The following SOX5 variants were observed in gnomAD, a reference collection of about 807,000 sequenced individuals.
SOX5 encodes the protein transcription factor SOX-5.
Under a neutral mutation model 92.0 loss-of-function variants are expected in SOX5, and 9 were observed. The observed-to-expected ratio is 0.10, with a 90% CI of 0.06 to 0.17. The LOEUF (loss-of-function observed/expected upper bound fraction) is 0.17. Among genes scored for constraint, SOX5 ranks in the 10% least tolerant of loss-of-function variants. SOX5 has a pLI of 1.00. For synonymous variants in SOX5, 344 were observed against 336.3 expected (o/e 1.02, Z -0.25); for missense variants, 642 against 944.5 (o/e 0.68, Z 4.20).
chr12:23,710,288 C>T (rs982325087), intron 6 of SOX5, among the ~76,000 whole-genome samples: 16 of 152,010 alleles, frequency 1.1e-4, no homozygotes, highest in Non-Finnish European at 2.1e-4. Context: ...ATGTGCACAA[C>T]GTGCAGGTTT....
chr12:24,096,945 C>A (rs893121307), intron 4 of SOX5, among the ~76,000 whole-genome samples: 9 of 152,144 alleles, frequency 5.9e-5, no homozygotes. Flanking sequence ...TTTTGAGGCA[C>A]TGCCAACCTG....
At chr12:24,488,897 G>T (rs1946781021) in intron 1 of SOX5, among the ~76,000 whole-genome samples, 1 of 152,140 alleles carries the variant, frequency 6.6e-6, no homozygotes, top group Non-Finnish European at 1.5e-5. Context: ...TAATACCTTA[G>T]AGATTTCAAG....
intron 1 of SOX5, among the ~76,000 whole-genome samples, chr12:24,520,699 G>T (rs988832111): frequency 6.6e-6 from 1 of 152,064 alleles, no homozygotes; most frequent in African/African-American, 2.4e-5. Flanking sequence ...GGCACAGAGT[G>T]TCTGAATCGA....
At chr12:23,675,754 T>C (rs2085566083) in intron 6 of SOX5, among the ~76,000 whole-genome samples, 2 of 152,058 alleles carry the variant, frequency 1.3e-5, no homozygotes, top group South Asian at 2.1e-4. Context: ...AATGAAAAGA[T>C]AGCCTATGTA....
chr12:23,558,721 G>C (rs1945673001), intron 11 of SOX5, among the ~76,000 whole-genome samples: 1 of 152,194 alleles, frequency 6.6e-6, no homozygotes, highest in Non-Finnish European at 1.5e-5. Context: ...TCCTGCCTCA[G>C]CCTCTTGAGT....
intron 1 of SOX5, among the ~76,000 whole-genome samples, chr12:24,460,247 C>T (rs528355303): frequency 1.0e-3 from 155 of 152,286 alleles, no homozygotes; most frequent in African/African-American, 3.5e-3. Flanking sequence ...TGAGGTCCAA[C>T]CTAAAGGCTG....
intron 1 of SOX5, among the ~76,000 whole-genome samples, chr12:24,466,694 C>T (rs529674604): frequency 6.6e-5 from 10 of 152,308 alleles, no homozygotes; most frequent in African/African-American, 1.7e-4. Flanking sequence ...TAATTCACCC[C>T]CAAGACAAGC....
intron 1 of SOX5, among the ~76,000 whole-genome samples, chr12:24,437,418 C>G (rs1490050268): frequency 6.6e-6 from 1 of 152,156 alleles, no homozygotes; most frequent in Non-Finnish European, 1.5e-5. Flanking sequence ...TGGACAAAGA[C>G]TTCATGACTA....
At chr12:24,502,315 G>T (rs1452601150) in intron 1 of SOX5, among the ~76,000 whole-genome samples, 3 of 151,934 alleles carry the variant, frequency 2.0e-5, no homozygotes, top group East Asian at 3.9e-4. Flanking sequence ...GAAAGTGAGA[G>T]AAAAAGGAAA....
intron 3 of SOX5, chr12:23,762,549 T>C: frequency 1.8e-6 from 1 of 544,780 alleles, no homozygotes; most frequent in South Asian, 2.7e-5. Context: ...ACTTTACGTT[T>C]AGTATTGCCA....
At chr12:24,093,337 C>T (rs996717645) in intron 4 of SOX5, among the ~76,000 whole-genome samples, 1 of 151,794 alleles carries the variant, frequency 6.6e-6, no homozygotes. Context: ...CTGGCTAACA[C>T]GGTGAAACCC....
At chr12:24,237,777 A>G (rs552665970) in intron 3 of SOX5, 34 of 152,340 alleles carry the variant, frequency 2.2e-4, no homozygotes, top group African/African-American at 7.2e-4. Context: ...TATGGAAGTA[A>G]TTATGGATTA....
chr12:23,533,480 C>A lies in SOX5; in HGVS notation c.*739G>T. On this transcript the variant is annotated 3_prime_UTR_variant, in exon 15 of 15. Coordinates refer to ENST00000451604, the MANE Select transcript of SOX5 (RefSeq NM_006940.6). ...AGTAAAGAGAAAAAATGAACTTGGT[C>A]AACACTTCAGTACAAATTTGGCACT... is the stretch of plus-strand genomic sequence containing the variant. 1 of 194,372 alleles carries A rather than the reference C, an allele frequency of 5.1e-6. No individual in the cohort carries two copies. The highest frequency in any genetic ancestry group is 1.1e-5 in the Non-Finnish European group (1 of 91,892). The allele number at this position is 194,372 out of a possible 1,614,324, so 12.0% of individuals were successfully genotyped here. A position where few individuals can be genotyped will look rare whatever the true frequency, so the allele number is the denominator to read the frequency against.
intron 3 of SOX5, among the ~76,000 whole-genome samples, chr12:23,787,509 G>T (rs749680250): frequency 4.4e-4 from 67 of 151,894 alleles, no homozygotes; most frequent in African/African-American, 1.4e-3. Flanking sequence ...CATTTTCTTC[G>T]ATCCAAAATT....
At chr12:23,835,044 T>C (rs1423582549) in intron 3 of SOX5, among the ~76,000 whole-genome samples, 1 of 151,868 alleles carries the variant, frequency 6.6e-6, no homozygotes, top group African/African-American at 2.4e-5. Flanking sequence ...TGAATGAAAA[T>C]CAAGTTTAAA....
chr12:24,256,282 A>G (rs1010187205), intron 3 of SOX5, among the ~76,000 whole-genome samples: 1 of 152,240 alleles, frequency 6.6e-6, no homozygotes, highest in Admixed American at 6.5e-5. Context: ...GAAGTGTTAG[A>G]CACCTTTTAG....
chr12:24,433,772 G>C (rs908815802), intron 1 of SOX5, among the ~76,000 whole-genome samples: 11 of 152,148 alleles, frequency 7.2e-5, no homozygotes, highest in Non-Finnish European at 1.5e-4. Flanking sequence ...ATGTTAATTT[G>C]TGATCTGTAT....
At chr12:23,891,317 C>A (rs1033432826) in intron 2 of SOX5, among the ~76,000 whole-genome samples, 2 of 152,202 alleles carry the variant, frequency 1.3e-5, no homozygotes, top group Non-Finnish European at 2.9e-5. Context: ...CAAACCGTAA[C>A]ATTTGCATAA....
intron 2 of SOX5, among the ~76,000 whole-genome samples, chr12:24,332,415 T>A (rs1369376632): frequency 6.6e-6 from 1 of 152,142 alleles, no homozygotes; most frequent in East Asian, 1.9e-4. Context: ...ATAGGCAATA[T>A]CTGAGAAGGT....
Sources: gnomAD v4.1 joint callset for allele counts (sites outside exome capture counted in the v4.1 genomes callset) on GRCh38, gnomAD v4.1.1 for gene constraint, MANE v1.5 for transcripts, NCBI Gene and HGNC (gene_info 2026-07-23, HGNC 2026-07-21) for gene names.